RALGPS1: variants seen among roughly 807,000 people sequenced by gnomAD.
RALGPS1 encodes ras-specific guanine nucleotide-releasing factor RalGPS1.
A neutral mutation model predicts 78.8 loss-of-function variants in RALGPS1; 19 were observed. The ratio of observed to expected loss-of-function variants is 0.24; its 90% CI spans 0.17 to 0.35. RALGPS1 has a LOEUF of 0.35. Among genes scored for constraint, RALGPS1 ranks in the 10% least tolerant of loss-of-function variants. The pLI is 1.00. For synonymous variants in RALGPS1, 228 were observed against 256.3 expected, an observed-to-expected ratio of 0.89 and a Z score of 1.06; for missense variants, 454 against 688.3, an observed-to-expected ratio of 0.66 and a Z score of 3.81.
chr9:127,007,868 G>C (rs2043984446), intron 4 of RALGPS1, among the ~76,000 whole-genome samples: 1 of 152,188 alleles, frequency 6.6e-6, no homozygotes, highest in Non-Finnish European at 1.5e-5. Flanking sequence ...GCTTTGATTA[G>C]ATTTGCATGG....
At chr9:127,010,517 C>T (rs2044244390) in intron 4 of RALGPS1, among the ~76,000 whole-genome samples, 1 of 152,218 alleles carries the variant, frequency 6.6e-6, no homozygotes, top group African/African-American at 2.4e-5. Context: ...CGAGCACTCT[C>T]AAGATGCCAG....
At chr9:126,966,542 A>G (rs1186537117) in intron 3 of RALGPS1, among the ~76,000 whole-genome samples, 1 of 150,628 alleles carries the variant, frequency 6.6e-6, no homozygotes, top group Non-Finnish European at 1.5e-5. Context: ...AAAAAAAAAA[A>G]GCATGTACAA....
At chr9:127,060,362 G>T (rs2049101871) in intron 7 of RALGPS1, among the ~76,000 whole-genome samples, 1 of 152,190 alleles carries the variant, frequency 6.6e-6, no homozygotes, top group East Asian at 1.9e-4. Flanking sequence ...GAAATGAGGG[G>T]CATGGAGATT....
intron 8 of RALGPS1, among the ~76,000 whole-genome samples, chr9:127,096,158 C>T (rs553767989): frequency 6.6e-6 from 1 of 152,338 alleles, no homozygotes; most frequent in South Asian, 2.1e-4. Flanking sequence ...CCCACCACTC[C>T]CTCAGTATCC....
At chr9:126,956,566 C>G (rs148285439) in intron 1 of RALGPS1, among the ~76,000 whole-genome samples, 54 of 152,200 alleles carry the variant, frequency 3.5e-4, no homozygotes, top group Non-Finnish European at 6.9e-4. Flanking sequence ...GGCTGCCATG[C>G]TTCATCTGTA....
chr9:127,133,568 C>T (rs931212115), intron 8 of RALGPS1, among the ~76,000 whole-genome samples: 7 of 152,198 alleles, frequency 4.6e-5, no homozygotes, highest in African/African-American at 1.7e-4. Flanking sequence ...CTGCCACCCA[C>T]TCACCCACCG....
intron 8 of RALGPS1, among the ~76,000 whole-genome samples, chr9:127,080,023 C>T (rs181554176): frequency 1.1e-4 from 16 of 152,298 alleles, no homozygotes; most frequent in East Asian, 3.9e-4. Context: ...GGCAACAGGA[C>T]GTGCTGGACT....
intron 1 of RALGPS1, among the ~76,000 whole-genome samples, chr9:126,944,815 TC>T (rs1302623389): frequency 6.6e-6 from 1 of 152,162 alleles, no homozygotes; most frequent in African/African-American, 2.4e-5. Context: ...CAGGATCCAG[TC>T]TAGGGTCCCT....
At chr9:127,112,565 A>G (rs189538272) in intron 8 of RALGPS1, among the ~76,000 whole-genome samples, 3 of 152,290 alleles carry the variant, frequency 2.0e-5, no homozygotes, top group African/African-American at 7.2e-5. Flanking sequence ...GTTGAGTTCT[A>G]TCCTCTCCCA....
chr9:127,056,641 G>A (rs1417090578), intron 7 of RALGPS1, among the ~76,000 whole-genome samples: 1 of 152,128 alleles, frequency 6.6e-6, no homozygotes. Context: ...TATTCTTGAT[G>A]CACCTGTCTG....
At chr9:127,095,586 C>G (rs1343120880) in intron 8 of RALGPS1, among the ~76,000 whole-genome samples, 3 of 152,328 alleles carry the variant, frequency 2.0e-5, no homozygotes, top group Middle Eastern at 3.4e-3. Context: ...CGCTCTGACG[C>G]CCTGCAAGGG....
At chr9:127,075,885 A>T (rs968011740) in intron 8 of RALGPS1, among the ~76,000 whole-genome samples, 1 of 152,234 alleles carries the variant, frequency 6.6e-6, no homozygotes, top group Non-Finnish European at 1.5e-5. Context: ...CCATGTAAAG[A>T]TGCCTTTATG....
chr9:126,979,241 A>ATGTGTG (rs57264470), intron 4 of RALGPS1, among the ~76,000 whole-genome samples: 19 of 146,790 alleles, frequency 1.3e-4, no homozygotes, highest in Admixed American at 2.7e-4. Flanking sequence ...TTGTATTATT[A>ATGTGTG]TGTGTGTGTG....
intron 11 of RALGPS1, among the ~76,000 whole-genome samples, chr9:127,190,738 C>T (rs975990700): frequency 6.6e-6 from 1 of 152,130 alleles, no homozygotes; most frequent in Admixed American, 6.5e-5. Flanking sequence ...TGTATATATG[C>T]AGGAGTTTCT....
At chr9:126,969,019 G>T (rs1483557029) in intron 3 of RALGPS1, among the ~76,000 whole-genome samples, 1 of 151,722 alleles carries the variant, frequency 6.6e-6, no homozygotes, top group African/African-American at 2.4e-5. Context: ...TTGCACTCCA[G>T]CCTGGGCAAA....
At chr9:127,128,570 TG>T (rs1346506458) in intron 8 of RALGPS1, among the ~76,000 whole-genome samples, 5 of 152,214 alleles carry the variant, frequency 3.3e-5, no homozygotes, top group African/African-American at 1.2e-4. Context: ...GGAAAGGTCT[TG>T]GGGAGTGTCC....
intron 3 of RALGPS1, among the ~76,000 whole-genome samples, chr9:126,973,840 CATAT>C (rs2040350902): frequency 6.6e-6 from 1 of 152,094 alleles, no homozygotes; most frequent in South Asian, 2.1e-4. Flanking sequence ...TAAGTGGAGT[CATAT>C]AGTATTTGTC....
intron 8 of RALGPS1, among the ~76,000 whole-genome samples, chr9:127,086,704 T>C (rs2051783674): frequency 6.6e-6 from 1 of 152,200 alleles, no homozygotes; most frequent in Non-Finnish European, 1.5e-5. Flanking sequence ...AGCAGAAAAT[T>C]TGAGTTCTGA....
intron 11 of RALGPS1, among the ~76,000 whole-genome samples, chr9:127,193,994 A>T (rs2061216846): frequency 6.6e-6 from 1 of 152,232 alleles, no homozygotes; most frequent in Non-Finnish European, 1.5e-5. Flanking sequence ...GGCTGAAGAC[A>T]TGGCCAGCAT....
Sources: allele counts gnomAD v4.1 joint callset (sites outside exome capture counted in the v4.1 genomes callset), GRCh38; gene constraint gnomAD v4.1.1; transcripts MANE v1.5; gene names NCBI Gene and HGNC (gene_info 2026-07-23, HGNC 2026-07-21).